The following COL4A5 variants were observed in gnomAD, a reference collection of about 807,000 sequenced individuals.
COL4A5 encodes the protein collagen alpha-5(IV) chain.
Under a neutral mutation model 130.2 loss-of-function variants are expected in COL4A5, and 26 were observed. The ratio of observed to expected loss-of-function variants is 0.20; its 90% CI spans 0.15 to 0.28. The LOEUF (loss-of-function observed/expected upper bound fraction) is 0.28. COL4A5 is among the 10% of genes least tolerant of loss of function. COL4A5 has a pLI of 1.00. For synonymous variants in COL4A5, 496 were observed against 439.6 expected (o/e 1.13, Z -1.60); for missense variants, 1,131 against 1,344.3 (o/e 0.84, Z 2.48).
chrX:108,569,372 C>T (rs2066023514), intron 6 of COL4A5, among the ~76,000 whole-genome samples: 1 of 111,654 alleles, frequency 9.0e-6, no homozygotes. Flanking sequence ...TTTAAATAAC[C>T]CTAACTTTAG....
Position 108,568,681 on chromosome X carries a change from G to A in COL4A5, c.321+8G>A. 8.3e-7 allele frequency: 1 copy of A among 1,198,902 alleles called. No individual in the cohort carries two copies. Among genetic ancestry groups the A allele is most frequent in the African/African-American group, 1.7e-5 (1 of 57,462 alleles). On this transcript the variant is annotated splice_region_variant and intron_variant, in intron 5 of 52. Transcript: ENST00000328300. The stretch of plus-strand genomic sequence containing the variant: ...GGGACACCAGGTCTTCCTGTAAGTA[G>A]CATTTCACTTTTTACTTTGAAATCT...
intron 29 of COL4A5, among the ~76,000 whole-genome samples, chrX:108,608,885 G>T (rs1317693120): frequency 2.7e-5 from 3 of 111,183 alleles, no homozygotes; most frequent in East Asian, 2.8e-4. Flanking sequence ...CTTATAAATG[G>T]AACTCCTTAT....
intron 50 of COL4A5, 45 bp from the exon 51 acceptor site, chrX:108,694,762 A>T (rs1055679372): frequency 1.2e-5 from 12 of 1,024,714 alleles, no homozygotes; most frequent in Non-Finnish European, 1.4e-5. Context: ...TACTTCTCAC[A>T]TGCTCACTCT....
chrX:108,494,816 C>T (rs1349855146), intron 1 of COL4A5, among the ~76,000 whole-genome samples: 1 of 111,508 alleles, frequency 9.0e-6, no homozygotes, highest in Non-Finnish European at 1.9e-5. Flanking sequence ...TTATCTTCAG[C>T]CCCATGATTT....
At chrX:108,574,748 A>C (rs987297981) in intron 9 of COL4A5, among the ~76,000 whole-genome samples, 8 of 111,729 alleles carry the variant, frequency 7.2e-5, no homozygotes, top group Non-Finnish European at 1.3e-4. Flanking sequence ...ATTTGTGGAC[A>C]TACTACCATT....
At chrX:108,503,162 A>G (rs1008740256) in intron 1 of COL4A5, among the ~76,000 whole-genome samples, 4 of 111,756 alleles carry the variant, frequency 3.6e-5, no homozygotes, top group Non-Finnish European at 7.5e-5. Flanking sequence ...TGGCAAGATT[A>G]TAAGTGGTGT....
intron 1 of COL4A5, among the ~76,000 whole-genome samples, chrX:108,507,247 C>CAAAAAAAAAAAAAAAAAAAAAAAAA (rs1195605237): frequency 2.0e-5 from 1 of 50,875 alleles, no homozygotes; most frequent in Non-Finnish European, 4.2e-5. Context: ...ACAACAACAA[C>CAAAAAAAAAAAAAAAAAAAAAAAAA]AAAAAAAAAA....
At chrX:108,668,611 G>C (rs746147446) in intron 41 of COL4A5, 107 bp downstream of exon 41, 1 of 590,882 alleles carries the variant, frequency 1.7e-6, no homozygotes, top group East Asian at 3.9e-5. Context: ...CGGTGCATTG[G>C]AGGATGTTAA....
At chrX:108,581,750 A>G (rs2066254324) in intron 16 of COL4A5, among the ~76,000 whole-genome samples, 1 of 110,603 alleles carries the variant, frequency 9.0e-6, no homozygotes, top group South Asian at 3.9e-4. Flanking sequence ...TGAATATACC[A>G]TGGTTTGTTT....
chrX:108,492,308 T>C (rs1252058062), intron 1 of COL4A5, among the ~76,000 whole-genome samples: 2 of 111,825 alleles, frequency 1.8e-5, no homozygotes, highest in Non-Finnish European at 3.8e-5. Flanking sequence ...CTCACTACGA[T>C]AATGAAACAG....
At chrX:108,684,763 G>A (rs906749797) in intron 47 of COL4A5, among the ~76,000 whole-genome samples, 1 of 112,226 alleles carries the variant, frequency 8.9e-6, no homozygotes, top group Non-Finnish European at 1.9e-5. Context: ...TGAGGTCAGC[G>A]TCATCCTGAT....
At chrX:108,477,689 G>A (rs1277506717) in intron 1 of COL4A5, among the ~76,000 whole-genome samples, 1 of 108,572 alleles carries the variant, frequency 9.2e-6, no homozygotes, top group Non-Finnish European at 1.9e-5. Flanking sequence ...GGTGGTGCAT[G>A]CCTGTAACCC....
At chrX:108,648,126 C>A (rs28865636) in intron 36 of COL4A5, among the ~76,000 whole-genome samples, 2 of 111,092 alleles carry the variant, frequency 1.8e-5, no homozygotes, top group African/African-American at 6.5e-5. Context: ...CCCTCTTTTT[C>A]TATTGATTGG....
intron 49 of COL4A5, 68 bp downstream of exon 49, chrX:108,687,762 T>C (rs2068577472): frequency 9.5e-7 from 1 of 1,050,642 alleles, no homozygotes; most frequent in Non-Finnish European, 1.3e-6. Context: ...TGTTGGGTTC[T>C]AGAGTAGCCT....
chrX:108,440,056 T>G lies in COL4A5; in HGVS notation c.-70T>G, dbSNP rs1312292348. 3.6e-6 allele frequency: 3 copies of G among 827,642 alleles called. No individual in the cohort carries two copies. The highest frequency in any genetic ancestry group is 5.4e-6 in the Non-Finnish European group (3 of 557,507). The allele number at this position is 827,642 out of a possible 1,213,427, so 68.2% of individuals were successfully genotyped here. A position where few individuals can be genotyped will look rare whatever the true frequency, so the allele number is the denominator to read the frequency against. On this transcript the variant is annotated 5_prime_UTR_variant, in exon 1 of 53. The change creates a new upstream start codon in the 5' untranslated region. Transcript: ENST00000328300. ...CTCTCTCCATATAAACCCTCAAGATTATGTCAATTGGTTAGAGCCAGCCGG... is the reference window on the plus strand; with the variant it reads ...CTCTCTCCATATAAACCCTCAAGATGATGTCAATTGGTTAGAGCCAGCCGG...
intron 1 of COL4A5, among the ~76,000 whole-genome samples, chrX:108,451,812 G>A (rs1292459290): frequency 1.8e-5 from 2 of 110,518 alleles, no homozygotes; most frequent in Non-Finnish European, 3.8e-5. Context: ...TCACTCTGAT[G>A]GTAGTTTCTT....
At position 108,649,592 on chromosome X, in the gene COL4A5, G is replaced by T. The variant is rs193242080; in HGVS notation, c.3247-5739G>T. Among the ~76,000 whole-genome samples, 27 of 111,641 alleles carry T rather than the reference G, an allele frequency of 2.4e-4. 1 individual carries two copies. The East Asian group carries it at 6.5e-3, about 27-fold the overall frequency. On this transcript the variant is annotated intron_variant, in intron 36 of 52. Coordinates refer to ENST00000328300, the MANE Select transcript of COL4A5 (RefSeq NM_033380.3). ...CCGATGGAACAGAATAGATAACCCA[G>T]AAATGAACCCAAATGCTTACAGCCA...
At chrX:108,606,960 T>A (rs2066739533) in intron 29 of COL4A5, 68 bp downstream of exon 29, 3 of 1,099,980 alleles carry the variant, frequency 2.7e-6, no homozygotes, top group Non-Finnish European at 2.5e-6. Context: ...TTTGGGAAAG[T>A]TTATGGGTGA....
chrX:108,677,590 G>C lies in COL4A5; in HGVS notation c.3899G>C (p.Gly1300Ala), dbSNP rs1252928330. ...KGNPGQPGLPGLPGLKGDQGP... is the reference protein window; with the variant it reads ...KGNPGQPGLPALPGLKGDQGP... Reference sequence around the variant, plus strand: ...AATCCAGGCCAACCTGGGCTACCTGGCTTGCCTGGTTTGAAAGGAGATCAA... The same window carrying C: ...AATCCAGGCCAACCTGGGCTACCTGCCTTGCCTGGTTTGAAAGGAGATCAA... The change falls in exon 44 of 53, where the codon GGC becomes GCC. Residue 1300 changes from glycine (G) to alanine (A), a missense_variant. Coordinates refer to ENST00000328300, the MANE Select transcript of COL4A5 (RefSeq NM_033380.3). 14 of 1,209,302 alleles carry C rather than the reference G, an allele frequency of 1.2e-5. No individual in the cohort carries two copies. The East Asian group carries it at 4.2e-4, about 36-fold the overall frequency.
Sources: allele counts gnomAD v4.1 joint callset (sites outside exome capture counted in the v4.1 genomes callset), GRCh38; gene constraint gnomAD v4.1.1; transcripts MANE v1.5; gene names NCBI Gene and HGNC (gene_info 2026-07-23, HGNC 2026-07-21).